The following THAP6 variants were observed in gnomAD, a reference collection of about 807,000 sequenced individuals.
THAP6 encodes THAP domain-containing protein 6.
In THAP6, 13 loss-of-function variants were observed where a neutral mutation model predicts 20.0. That is an observed-to-expected ratio of 0.65 (90% confidence interval 0.42 to 1.03). THAP6 has a LOEUF of 1.03. Ranked by LOEUF, THAP6 falls within the 50% of genes least tolerant of loss-of-function variation. The pLI is 0.00. For missense variants in THAP6, 262 were observed against 261.6 expected, an observed-to-expected ratio of 1.00 and a Z score of -0.01; for synonymous variants, 93 against 92.2, an observed-to-expected ratio of 1.01 and a Z score of -0.05.
At chr4:75,542,960 T>C (rs17000622) in intron 3 of THAP6, 54,245 of 153,690 alleles carry the variant, frequency 0.35, 10,069 homozygotes, top group African/African-American at 0.46. Context: ...CTGATGCTAC[T>C]GCCAAGCATA....
At chr4:75,545,984 T>C (rs1431238327) in intron 3 of THAP6, among the ~76,000 whole-genome samples, 1 of 152,200 alleles carries the variant, frequency 6.6e-6, no homozygotes, top group East Asian at 1.9e-4. Context: ...GCCTAGCCTT[T>C]CTGACATTGC....
rs758397749 is a variant in THAP6 at position 75,516,988 on chromosome 4, A to G, written c.288+9A>G. On this transcript the variant is annotated intron_variant, in intron 3 of 4. Coordinates refer to ENST00000311638, the MANE Select transcript of THAP6 (RefSeq NM_144721.6). Reference sequence around the variant, plus strand: ...CTCCATATCACCTACAGGTTTGTTTATGAGATACTGTTTACCATCATTGCT... The same window carrying G: ...CTCCATATCACCTACAGGTTTGTTTGTGAGATACTGTTTACCATCATTGCT... The G allele has an allele frequency of 2.2e-6, 3 of 1,393,756 alleles. No homozygotes were observed. In the South Asian group the frequency reaches 3.5e-5, roughly 16 times the overall value. The allele number at this position is 1,393,756 out of a possible 1,614,324, so 86.3% of individuals were successfully genotyped here.
chr4:75,544,573 C>G (rs1727083873), intron 3 of THAP6: 1 of 152,118 alleles, frequency 6.6e-6, no homozygotes, highest in Admixed American at 6.6e-5. Context: ...CCAGGCTGGT[C>G]TCAAACTTCT....
intron 3 of THAP6, among the ~76,000 whole-genome samples, chr4:75,543,285 A>G (rs72867805): frequency 0.015 from 2,315 of 152,316 alleles, 65 homozygotes; most frequent in African/African-American, 0.052. Flanking sequence ...TCTCTATGTG[A>G]TTTGCTACTA....
chr4:75,539,994 CT>C, intron 2 of THAP6: 2 of 1,528,608 alleles, frequency 1.3e-6, no homozygotes, highest in Admixed American at 2.0e-5. Flanking sequence ...TCTTCCCTCT[CT>C]TGTGGCAGCT....
At chr4:75,530,056 T>C (rs1726628622), downstream of THAP6, 21 of 984,600 alleles carry the variant, frequency 2.1e-5, no homozygotes, top group Non-Finnish European at 2.5e-5. Flanking sequence ...CATTGAGTTA[T>C]TCAATAAAAT....
intron 2 of THAP6, among the ~76,000 whole-genome samples, chr4:75,538,803 T>C (rs1726934482): frequency 6.6e-6 from 1 of 152,206 alleles, no homozygotes; most frequent in Admixed American, 6.5e-5. Context: ...GATCATAGAA[T>C]TGTGCCTGAT....
In THAP6 at chr4:75,523,716, G is replaced by A. The variant is rs532028361; in HGVS notation, c.414+1855G>A. ...GCTCAGGAGGCTGAGTGGGAGGATC[G>A]CTTGAGCCCTGGAGATCAAGGCTGC... On this transcript the variant is annotated intron_variant, in intron 4 of 4. Transcript: ENST00000311638. Among the ~76,000 whole-genome samples, 9 of 150,088 alleles carry A rather than the reference G, an allele frequency of 6.0e-5. 1 individual carries two copies. In the South Asian group the frequency reaches 8.4e-4, roughly 14 times the overall value.
intron 2 of THAP6, among the ~76,000 whole-genome samples, chr4:75,541,608 A>G (rs573972588): frequency 2.0e-5 from 3 of 152,214 alleles, no homozygotes; most frequent in Admixed American, 1.3e-4. Context: ...AAAGGAGAAT[A>G]AAAAAAGGAA....
At chr4:75,523,814 AAAAAAAAG>A (rs1232086154) in intron 4 of THAP6, among the ~76,000 whole-genome samples, 1 of 151,672 alleles carries the variant, frequency 6.6e-6, no homozygotes, top group Non-Finnish European at 1.5e-5. Flanking sequence ...AAAAAAAAAA[AAAAAAAAG>A]AAAAGAAATC....
intron 3 of THAP6, among the ~76,000 whole-genome samples, chr4:75,519,794 T>G (rs1725908955): frequency 6.6e-6 from 1 of 151,850 alleles, no homozygotes; most frequent in Non-Finnish European, 1.5e-5. Context: ...AACATACGTG[T>G]GCATGTGTCT....
intron 3 of THAP6, among the ~76,000 whole-genome samples, chr4:75,546,354 C>A (rs1197425917): frequency 1.3e-5 from 2 of 152,212 alleles, no homozygotes; most frequent in African/African-American, 4.8e-5. Flanking sequence ...GTGTTAGAGG[C>A]AGTTCAGTGC....
rs76333976 is a variant in THAP6, at chr4:75,521,852, G to C, written c.405G>C (p.Gln135His). The C allele has an allele frequency of 8.5e-4, 1,374 of 1,613,262 alleles. 23 individuals carry two copies. In the East Asian group the frequency reaches 0.03, roughly 35 times the overall value. ...ASSCIEEFQS[Q>H]FIFEHSYSVM... ...CATGTATTGAAGAATTCCAATCCCAGTTCATTTTTGTAAGTAAATTACTTG... is the reference window on the plus strand; with the variant it reads ...CATGTATTGAAGAATTCCAATCCCACTTCATTTTTGTAAGTAAATTACTTG... The change falls in exon 4 of 5, where the codon CAG (glutamine) becomes CAC (histidine). Residue 135 changes from glutamine to histidine, a missense_variant. Transcript: ENST00000311638.
At chr4:75,532,274 G>C, downstream of THAP6, among the ~76,000 whole-genome samples, 1 of 152,242 alleles carries the variant, frequency 6.6e-6, no homozygotes, top group East Asian at 1.9e-4. Context: ...GTCCAGCAGG[G>C]CAGGCAAATC....
At chr4:75,523,667 G>A (rs1560544412) in intron 4 of THAP6, among the ~76,000 whole-genome samples, 1 of 151,790 alleles carries the variant, frequency 6.6e-6, no homozygotes, top group Admixed American at 6.6e-5. Context: ...TTAGCTGGGG[G>A]TGGTGGCATA....
In THAP6 at chr4:75,527,166, C is replaced by G; in HGVS notation, c.621C>G (p.Phe207Leu). 1 of 1,614,090 alleles carries G rather than the reference C, an allele frequency of 6.2e-7. No homozygotes were observed. Among genetic ancestry groups the G allele is most frequent in the Non-Finnish European group, 8.5e-7 (1 of 1,179,970 alleles). ...AAACAGCAAATAGACTGGACACTTT[C>G]TGTTGGGACTGTTGTCAGGAGAGCA... ...SQETANRLDT[F>L]CWDCCQESIE... Residue 207 changes from phenylalanine (F) to leucine (L), a missense_variant, in exon 5 of 5, where the codon TTC (phenylalanine) becomes TTG (leucine). Physicochemically the swap from Phe to Leu is conservative, Grantham distance 22 (BLOSUM62 0). Coordinates refer to ENST00000311638, the MANE Select transcript of THAP6 (RefSeq NM_144721.6).
Position 75,539,157 on chromosome 4 carries a change from A to G in THAP6, c.166-3252A>G, listed in dbSNP as rs188745502. Reference sequence around the variant, plus strand: ...GAGCGCAGCCATATATCTCAAGACAATGGGTTCTTGAATTCAGCCTAATGC... The same window carrying G: ...GAGCGCAGCCATATATCTCAAGACAGTGGGTTCTTGAATTCAGCCTAATGC... On this transcript the variant is annotated intron_variant, in intron 2 of 4. Coordinates refer to the THAP6 transcript ENST00000502620. Among the ~76,000 whole-genome samples the G allele has an allele frequency of 5.0e-3, 763 of 152,302 alleles. 3 individuals carry two copies. Among genetic ancestry groups the G allele is most frequent in the African/African-American group, 0.017 (699 of 41,558 alleles).
At chr4:75,514,315 A>T (rs754331631), upstream of THAP6, 38 of 1,599,346 alleles carry the variant, frequency 2.4e-5, no homozygotes, top group Non-Finnish European at 5.1e-6. Flanking sequence ...CATTCCACCG[A>T]TCCTTCCCCC....
At chr4:75,536,935 C>G (rs951040031) in intron 2 of THAP6, among the ~76,000 whole-genome samples, 2 of 152,062 alleles carry the variant, frequency 1.3e-5, no homozygotes, top group Non-Finnish European at 2.9e-5. Context: ...TAGACAAAAT[C>G]GATTTCAGAG....
Sources: allele counts gnomAD v4.1 joint callset (sites outside exome capture counted in the v4.1 genomes callset), GRCh38; gene constraint gnomAD v4.1.1; transcripts MANE v1.5; gene names NCBI Gene and HGNC (gene_info 2026-07-23, HGNC 2026-07-21).